Variants in RAB11FIP4 observed in about 807,000 individuals in gnomAD.
The protein encoded by RAB11FIP4 is RAB11 family interacting protein 4.
RAB11FIP4 carries 23 observed loss-of-function variants against 74.3 expected under a neutral mutation model. The ratio of observed to expected loss-of-function variants is 0.31; its 90% confidence interval spans 0.22 to 0.44. The LOEUF is 0.44. Ranked by LOEUF, RAB11FIP4 falls within the 20% of genes least tolerant of loss-of-function variation. The pLI is 1.00. For synonymous variants in RAB11FIP4, 360 were observed against 359.9 expected, an observed-to-expected ratio of 1.00 and a Z score of 0.00; for missense variants, 630 against 863.9, an observed-to-expected ratio of 0.73 and a Z score of 3.39.
intron 1 of RAB11FIP4, among the ~76,000 whole-genome samples, chr17:31,406,522 C>T (rs78211287): frequency 0.033 from 4,965 of 152,308 alleles, 263 homozygotes; most frequent in African/African-American, 0.11. Flanking sequence ...TGTTTCTGCA[C>T]GACCCCATCA....
At chr17:31,395,130 A>G (rs893773627) in intron 1 of RAB11FIP4, among the ~76,000 whole-genome samples, 1 of 152,206 alleles carries the variant, frequency 6.6e-6, no homozygotes, top group African/African-American at 2.4e-5. Context: ...CCAGAATACC[A>G]GGGATACCAG....
rs1201659472 is a variant in RAB11FIP4 at position 31,532,732 on chromosome 17, T to C, written c.*1000T>C. The stretch of plus-strand genomic sequence containing the variant: ...GCAGGCCTGGGTTTGGATTTCAGAA[T>C]CCTAGCTCCGGGCTCCACTCGTGTG... On this transcript the variant is annotated 3_prime_UTR_variant, in exon 15 of 15. Coordinates refer to ENST00000621161, the MANE Select transcript of RAB11FIP4 (RefSeq NM_032932.6). 1 of 152,184 alleles carries C rather than the reference T, an allele frequency of 6.6e-6. No homozygotes were observed. The highest frequency in any genetic ancestry group is 1.5e-5 in the Non-Finnish European group (1 of 68,032). The allele number at this position is 152,184 out of a possible 1,614,324, so 9.4% of individuals were successfully genotyped here.
chr17:31,391,870 C>A lies in RAB11FIP4; in HGVS notation c.18C>A (p.Gly6=). 8.6e-7 allele frequency: 1 copy of A among 1,166,462 alleles called. No homozygotes were observed. The highest frequency in any genetic ancestry group is 1.1e-6 in the Non-Finnish European group (1 of 949,274). The allele number at this position is 1,166,462 out of a possible 1,614,324, so 72.3% of individuals were successfully genotyped here. A position where few individuals can be genotyped will look rare whatever the true frequency, so the allele number is the denominator to read the frequency against. MAGGA[G]WSGAPAALLR... is the part of the protein sequence containing the mutation. ...CGGCCCGGATGGCGGGCGGCGCGGG[C>A]TGGTCGGGCGCCCCCGCGGCTCTGC... Residue 6 remains glycine, a synonymous_variant, in exon 1 of 15, where the codon GGC becomes GGA. Coordinates refer to ENST00000621161, the MANE Select transcript of RAB11FIP4 (RefSeq NM_032932.6).
At chr17:31,508,892 GGA>G (rs761835419) in intron 3 of RAB11FIP4, among the ~76,000 whole-genome samples, 7 of 152,166 alleles carry the variant, frequency 4.6e-5, no homozygotes, top group Non-Finnish European at 7.3e-5. Flanking sequence ...TTGTGAGATC[GGA>G]GAGAGAGACA....
chr17:31,425,048 T>C (rs2071234713), intron 1 of RAB11FIP4, among the ~76,000 whole-genome samples: 1 of 152,200 alleles, frequency 6.6e-6, no homozygotes, highest in Non-Finnish European at 1.5e-5. Context: ...GAAATAATAA[T>C]TACTGGCTAA....
Position 31,391,729 on chromosome 17 carries a change from C to T in RAB11FIP4, c.-124C>T. The T allele has an allele frequency of 1.3e-6, 1 of 741,994 alleles. No homozygotes were observed. The allele number at this position is 741,994 out of a possible 1,614,324, so 46.0% of individuals were successfully genotyped here. Reference sequence around the variant, plus strand: ...GACACGGATCGGCCGCGGCCGCCACCGGGCGGAGGCTGCGCGGCGCAGACC... The same window carrying T: ...GACACGGATCGGCCGCGGCCGCCACTGGGCGGAGGCTGCGCGGCGCAGACC... On this transcript the variant is annotated 5_prime_UTR_variant, in exon 1 of 15. Transcript: ENST00000621161.
chr17:31,471,125 C>T (rs1180341715), intron 3 of RAB11FIP4, among the ~76,000 whole-genome samples: 4 of 150,036 alleles, frequency 2.7e-5, no homozygotes, highest in Admixed American at 6.6e-5. Context: ...TGCAGGGGTG[C>T]GATCATGGCT....
chr17:31,422,863 C>T (rs919860824), intron 1 of RAB11FIP4, among the ~76,000 whole-genome samples: 3 of 150,242 alleles, frequency 2.0e-5, no homozygotes, highest in African/African-American at 7.4e-5. Flanking sequence ...AAGTCTTTGT[C>T]TAATAATGGC....
At chr17:31,487,899 G>A (rs1766308463) in intron 3 of RAB11FIP4, 2 of 312,356 alleles carry the variant, frequency 6.4e-6, no homozygotes, top group Non-Finnish European at 9.3e-6. Context: ...CCTACCTTGG[G>A]GGCGGGGTTA....
At chr17:31,411,003 T>C (rs567375855) in intron 1 of RAB11FIP4, among the ~76,000 whole-genome samples, 1 of 152,268 alleles carries the variant, frequency 6.6e-6, no homozygotes, top group African/African-American at 2.4e-5. Flanking sequence ...CTCCCATCTT[T>C]CCACCCTGGA....
intron 1 of RAB11FIP4, among the ~76,000 whole-genome samples, chr17:31,401,267 G>A (rs140096491): frequency 0.01 from 1,275 of 125,652 alleles, 17 homozygotes; most frequent in African/African-American, 0.032. Context: ...GCGAGACTCT[G>A]TCTAATTAAA....
At chr17:31,472,280 G>A (rs1432138955) in intron 3 of RAB11FIP4, among the ~76,000 whole-genome samples, 2 of 152,144 alleles carry the variant, frequency 1.3e-5, no homozygotes, top group East Asian at 3.9e-4. Flanking sequence ...GTGCAGTGCC[G>A]CGTGATGAGT....
intron 1 of RAB11FIP4, among the ~76,000 whole-genome samples, chr17:31,403,170 C>A (rs2071010390): frequency 7.4e-6 from 1 of 135,072 alleles, no homozygotes; most frequent in South Asian, 2.4e-4. Flanking sequence ...TGACCCCTTT[C>A]TCTGCCCAGT....
At chr17:31,400,968 C>G (rs1051831084) in intron 1 of RAB11FIP4, among the ~76,000 whole-genome samples, 4 of 151,986 alleles carry the variant, frequency 2.6e-5, no homozygotes, top group Non-Finnish European at 5.9e-5. Context: ...TGGTCTGGCC[C>G]CCTTTAAAAG....
chr17:31,527,708 A>G (rs2072791075), intron 10 of RAB11FIP4, 134 bp from the exon 11 acceptor site: 1 of 642,104 alleles, frequency 1.6e-6, no homozygotes, highest in Non-Finnish European at 2.7e-6. Flanking sequence ...TGACATAATA[A>G]TCATATTCTT....
rs1386044697 is a variant in RAB11FIP4 at position 31,396,204 on chromosome 17, AAAAGAAAAGAAAAG to A, written c.159+4201_159+4214del. On this transcript the variant is annotated intron_variant, in intron 1 of 14. Transcript: ENST00000621161. ...GCCACAAAAAAAAAAAAAAGAAAAG[AAAAGAAAAGAAAAG>A]AAAGAAATGCAGATTTTTGAGGGAT... 2.4e-3 allele frequency among the ~76,000 whole-genome samples: 261 copies of A among 108,252 alleles called. 1 individual carries two copies. Among genetic ancestry groups the A allele is most frequent in the Non-Finnish European group, 2.8e-3 (116 of 41,570 alleles). 71.0% of individuals were successfully genotyped at this position (108,252 alleles called of 152,430 possible).
intron 3 of RAB11FIP4, among the ~76,000 whole-genome samples, chr17:31,487,831 A>G (rs1364198852): frequency 1.3e-5 from 2 of 151,050 alleles, no homozygotes; most frequent in African/African-American, 2.4e-5. Context: ...GGCGAGCTCC[A>G]CCTCCGGAGG....
intron 3 of RAB11FIP4, among the ~76,000 whole-genome samples, chr17:31,492,738 C>A (rs1211219606): frequency 6.6e-6 from 1 of 152,148 alleles, no homozygotes; most frequent in Non-Finnish European, 1.5e-5. Context: ...TGGAATTTGT[C>A]ATTGGCCAGC....
chr17:31,519,591 G>A (rs959992362), intron 4 of RAB11FIP4, among the ~76,000 whole-genome samples: 10 of 147,300 alleles, frequency 6.8e-5, no homozygotes, highest in Non-Finnish European at 1.3e-4. Context: ...CCCCTTACCA[G>A]AAGGTGATGG....
Sources: allele counts gnomAD v4.1 joint callset (sites outside exome capture counted in the v4.1 genomes callset), GRCh38; gene constraint gnomAD v4.1.1; transcripts MANE v1.5; gene names NCBI Gene and HGNC (gene_info 2026-07-23, HGNC 2026-07-21).